The following ST14 variants were observed in gnomAD, a reference collection of about 807,000 sequenced individuals.
ST14 encodes suppressor of tumorigenicity 14 protein.
ST14 carries 40 observed loss-of-function variants against 96.5 expected under a neutral mutation model. The observed-to-expected ratio is 0.41, with a 90% CI of 0.32 to 0.54. The LOEUF (loss-of-function observed/expected upper bound fraction) is 0.54, where lower values mean the gene tolerates loss of function less well. Ranked by LOEUF, ST14 falls within the 20% of genes least tolerant of loss-of-function variation. The pLI, the probability that ST14 is intolerant of heterozygous loss-of-function variation, is 0.17. For synonymous variants in ST14, 506 were observed against 492.1 expected (o/e 1.03, Z -0.37); for missense variants, 1,066 against 1,188.9 (o/e 0.90, Z 1.52).
At chr11:130,190,369 TCCAC>T in intron 6 of ST14, 81 bp from the exon 7 acceptor site, 1 of 1,587,708 alleles carries the variant, frequency 6.3e-7, no homozygotes. Flanking sequence ...AGGCCTGAGG[TCCAC>T]ACCCACGGGG....
Position 130,194,192 on chromosome 11 carries a change from T to TCCCC in ST14, c.921_922insCCCC (p.Ser308ProfsTer15). 3.7e-6 allele frequency: 6 copies of TCCCC among 1,614,078 alleles called. No homozygotes were observed. The highest frequency in any genetic ancestry group is 5.1e-6 in the Non-Finnish European group (6 of 1,180,002). On this transcript the variant is annotated frameshift_variant, in exon 8 of 19. Transcript: ENST00000278742. LOFTEE classifies it high-confidence loss of function. The stretch of plus-strand genomic sequence containing the variant: ...TCCCTCCTACAACCTGACCTTCCAC[T>TCCCC]CCTCCCAGAACGTCCTGCTCATCAC...
intron 4 of ST14, 189 bp from the exon 5 acceptor site, chr11:130,189,550 G>C (rs1953272063): frequency 1.4e-6 from 1 of 696,166 alleles, no homozygotes; most frequent in Non-Finnish European, 2.4e-6. Flanking sequence ...TGTGAGAGCA[G>C]AGGGCAAAGG....
At chr11:130,190,824 A>G (rs1953290306) in intron 7 of ST14, 130 bp downstream of exon 7, 3 of 1,231,790 alleles carry the variant, frequency 2.4e-6, no homozygotes, top group Admixed American at 5.4e-5. Flanking sequence ...TCCAGGCAGC[A>G]GGAGGCACGT....
At chr11:130,189,479 T>G in intron 4 of ST14, 1 of 559,594 alleles carries the variant, frequency 1.8e-6, no homozygotes, top group Non-Finnish European at 3.2e-6. Flanking sequence ...CTCCAATGGG[T>G]TTCCCCTCCT....
rs376181098 is a variant in ST14, at chr11:130,188,829, C to G, written c.370-40C>G. 46 of 1,607,022 alleles carry G rather than the reference C, an allele frequency of 2.9e-5. No individual in the cohort carries two copies. The highest frequency in any genetic ancestry group is 3.7e-5 in the Non-Finnish European group (44 of 1,176,602). On this transcript the variant is annotated intron_variant, in intron 3 of 18. Coordinates refer to ENST00000278742, the MANE Select transcript of ST14 (RefSeq NM_021978.4). The surrounding 1 kb of genome is among the most constrained non-coding windows in gnomAD (Gnocchi z 5.4). ...CAGCCCGGGCTTGGGGCAGGGTCAT[C>G]GCCGCATGGGGCTCACCTTGAGTCT...
In ST14 at chr11:130,188,903, G is replaced by T; in HGVS notation, c.404G>T (p.Gly135Val). The T allele has an allele frequency of 6.2e-7, 1 of 1,612,756 alleles. No individual in the cohort carries two copies. Among genetic ancestry groups the T allele is most frequent in the Non-Finnish European group, 8.5e-7 (1 of 1,179,580 alleles). The change falls in exon 4 of 19, where the codon GGC becomes GTC. Residue 135 changes from glycine (G) to valine (V), a missense_variant. Gly to Val is a moderately radical substitution (Grantham distance 109, BLOSUM62 -3). Coordinates refer to ENST00000278742, the MANE Select transcript of ST14 (RefSeq NM_021978.4). This position sits in a 1 kb window ranked among gnomAD's most constrained non-coding sequence, Gnocchi z 5.4. ...KLLYSGVPFL[G>V]PYHKESAVTA... ...CTGTACAGCGGAGTCCCATTCCTGGGCCCCTACCACAAGGAGTCGGCTGTG... is the reference window on the plus strand; with the variant it reads ...CTGTACAGCGGAGTCCCATTCCTGGTCCCCTACCACAAGGAGTCGGCTGTG...
rs565412806 is a variant in ST14 at position 130,205,375 on chromosome 11, G to A, written c.1995-3035G>A. Among the ~76,000 whole-genome samples, 4 of 152,266 alleles carry A rather than the reference G, an allele frequency of 2.6e-5. No individual in the cohort carries two copies. In the South Asian group the frequency reaches 8.3e-4, roughly 32 times the overall value. On this transcript the variant is annotated intron_variant, in intron 16 of 18. Transcript: ENST00000278742. ...ACTCGTGACCTCGTGATCCCCCCAT[G>A]CCTTGGCCTCCCAAAGTGCTGGGAT...
intron 1 of ST14, among the ~76,000 whole-genome samples, chr11:130,169,153 G>A (rs544544734): frequency 1.5e-4 from 22 of 143,152 alleles, no homozygotes; most frequent in South Asian, 4.4e-4. Context: ...GGAGTACAGC[G>A]GTGTGATCTG....
chr11:130,200,149 G>C lies in ST14; in HGVS notation c.1994+12G>C. ...GACAGAGGATTCAGGTGGGTCTCTGGGTGGGCAGCAGGGAGCCTCCTTGCT... is the reference window on the plus strand; with the variant it reads ...GACAGAGGATTCAGGTGGGTCTCTGCGTGGGCAGCAGGGAGCCTCCTTGCT... On this transcript the variant is annotated intron_variant, in intron 16 of 18. Coordinates refer to ENST00000278742, the MANE Select transcript of ST14 (RefSeq NM_021978.4). The C allele has an allele frequency of 6.2e-7, 1 of 1,613,962 alleles. No homozygotes were observed. Among genetic ancestry groups the C allele is most frequent in the South Asian group, 1.1e-5 (1 of 91,038 alleles).
In ST14 at chr11:130,183,820, A is replaced by T. The variant is rs565494715; in HGVS notation, c.82-4294A>T. 3.5e-4 allele frequency among the ~76,000 whole-genome samples: 54 copies of T among 152,188 alleles called. 1 individual carries two copies. Among genetic ancestry groups the T allele is most frequent in the Non-Finnish European group, 7.3e-4 (50 of 68,046 alleles). ...TCATTGCTGATATGCCAGTACAAAGACAGCTACGGGAGTGTTTCTAGCAGC... is the reference window on the plus strand; with the variant it reads ...TCATTGCTGATATGCCAGTACAAAGTCAGCTACGGGAGTGTTTCTAGCAGC... On this transcript the variant is annotated intron_variant, in intron 1 of 18. Coordinates refer to ENST00000278742, the MANE Select transcript of ST14 (RefSeq NM_021978.4).
chr11:130,180,448 G>T (rs1253898418), intron 1 of ST14, among the ~76,000 whole-genome samples: 2 of 152,244 alleles, frequency 1.3e-5, no homozygotes, highest in African/African-American at 4.8e-5. Flanking sequence ...AATCTTGTGT[G>T]GCTTTGTGTG....
Position 130,204,456 on chromosome 11 carries a change from C to T in ST14, c.1995-3954C>T, listed in dbSNP as rs552503724. ...ACAGTGAAGCGAGATTGGGCATAGCCTAGGTTGGAAAACTGAGCTTTGGCC... is the reference window on the plus strand; with the variant it reads ...ACAGTGAAGCGAGATTGGGCATAGCTTAGGTTGGAAAACTGAGCTTTGGCC... On this transcript the variant is annotated intron_variant, in intron 16 of 18. Transcript: ENST00000278742. Among the ~76,000 whole-genome samples the T allele has an allele frequency of 3.3e-5, 5 of 152,292 alleles. No individual in the cohort carries two copies. The South Asian group carries it at 1.0e-3, about 32-fold the overall frequency.
In ST14 at chr11:130,199,026, C is replaced by T. The variant is rs373611612; in HGVS notation, c.1764C>T (p.Asp588=). ...TGAGCAAGGGCAACCCTGAGTGTGA[C>T]GGGAAGGAGGACTGTAGCGACGGCT... ...LCLSKGNPEC[D]GKEDCSDGSD... The change falls in exon 15 of 19, where the codon GAC becomes GAT. Residue 588 remains aspartate (D), a synonymous_variant. Transcript: ENST00000278742. 6.1e-5 allele frequency: 99 copies of T among 1,613,972 alleles called. 1 individual carries two copies. Among genetic ancestry groups the T allele is most frequent in the Admixed American group, 1.8e-4 (11 of 59,998 alleles).
chr11:130,204,336 G>C (rs1443348956), intron 16 of ST14, among the ~76,000 whole-genome samples: 1 of 152,212 alleles, frequency 6.6e-6, no homozygotes, highest in African/African-American at 2.4e-5. Flanking sequence ...GACCTCACCT[G>C]GCAACTCTTG....
chr11:130,200,267 G>A, intron 16 of ST14, 130 bp downstream of exon 16: 1 of 1,048,976 alleles, frequency 9.5e-7, no homozygotes, highest in Non-Finnish European at 1.4e-6. Flanking sequence ...TTCTTGAGTT[G>A]CTCTAAAGAA....
At chr11:130,206,970 CT>C (rs1953496388) in intron 16 of ST14, among the ~76,000 whole-genome samples, 1 of 152,132 alleles carries the variant, frequency 6.6e-6, no homozygotes, top group South Asian at 2.1e-4. Context: ...TTACCCCACC[CT>C]TTTTTATTAT....
chr11:130,194,855 T>C (rs1019487806), intron 9 of ST14, 118 bp downstream of exon 9: 13 of 87,330 alleles, frequency 1.5e-4, no homozygotes, highest in African/African-American at 8.2e-4. Flanking sequence ...TGTGTGCATG[T>C]GTGTGTGTGT....
intron 16 of ST14, 124 bp from the exon 17 acceptor site, chr11:130,208,286 A>C: frequency 1.4e-6 from 2 of 1,384,620 alleles, no homozygotes; most frequent in Non-Finnish European, 2.0e-6. Context: ...AGCCGGCCCC[A>C]TCGTCTTCTC....
At chr11:130,205,128 G>A (rs2136220272) in intron 16 of ST14, among the ~76,000 whole-genome samples, 1 of 152,246 alleles carries the variant, frequency 6.6e-6, no homozygotes, top group Admixed American at 6.5e-5. Flanking sequence ...GACTAGTACA[G>A]TGAACACTTT....
Sources: allele counts gnomAD v4.1 joint callset (sites outside exome capture counted in the v4.1 genomes callset), GRCh38; gene constraint gnomAD v4.1.1; non-coding constraint Gnocchi (gnomAD v3.1); transcripts MANE v1.5; gene names NCBI Gene and HGNC (gene_info 2026-07-23, HGNC 2026-07-21).